UBN1: variants seen among roughly 807,000 people sequenced by gnomAD.
UBN1 encodes the protein ubinuclein-1.
A neutral mutation model predicts 108.5 loss-of-function variants in UBN1; 17 were observed. The observed-to-expected ratio is 0.16, with a 90% confidence interval of 0.11 to 0.24. The LOEUF is 0.24. Ranked by LOEUF, UBN1 falls within the 10% of genes least tolerant of loss-of-function variation. The probability of loss-of-function intolerance (pLI) is 1.00; values close to 1 mark genes in which losing one functional copy is unlikely to be tolerated. For missense variants in UBN1, 1,595 were observed against 1,394.4 expected (o/e 1.14, Z -2.29); for synonymous variants, 726 against 564.2 (o/e 1.29, Z -4.07).
Position 4,847,494 on chromosome 16 carries a change from T to G in UBN1, c.-756T>G. 2 of 549,432 alleles carry G rather than the reference T, an allele frequency of 3.6e-6. No individual in the cohort carries two copies. The highest frequency in any genetic ancestry group is 6.1e-6 in the Non-Finnish European group (2 of 327,816). 34.0% of individuals were successfully genotyped at this position (549,432 alleles called of 1,614,324 possible). ...GCAGAGACTCCCGGCTCCTTCCCCC[T>G]CCCTTCGGCTCGTGACAACGAAGCG... On this transcript the variant is annotated 5_prime_UTR_variant, in exon 1 of 18. Transcript: ENST00000262376.
intron 5 of UBN1, among the ~76,000 whole-genome samples, chr16:4,859,559 A>G (rs955085852): frequency 3.3e-5 from 5 of 152,220 alleles, no homozygotes; most frequent in Non-Finnish European, 7.4e-5. Context: ...CAGTGTGTTT[A>G]AAAACCTGTC....
At chr16:4,872,485 C>T (rs1302734120) in intron 12 of UBN1, 4 of 117,182 alleles carry the variant, frequency 3.4e-5, no homozygotes, top group Admixed American at 9.6e-5. Context: ...GGTGGGGGGG[C>T]GGGGACAAAG....
At chr16:4,856,894 A>T (rs1380471566) in intron 2 of UBN1, among the ~76,000 whole-genome samples, 1 of 152,232 alleles carries the variant, frequency 6.6e-6, no homozygotes, top group African/African-American at 2.4e-5. Flanking sequence ...ACCACAAATC[A>T]TTTAACTGAT....
At chr16:4,852,546 A>T (rs1184108230) in intron 1 of UBN1, 2 of 157,610 alleles carry the variant, frequency 1.3e-5, no homozygotes, top group East Asian at 1.9e-4. Context: ...AGAAAAAATA[A>T]GTGTTAGACA....
intron 15 of UBN1, among the ~76,000 whole-genome samples, chr16:4,875,953 T>C (rs1449543277): frequency 7.4e-6 from 1 of 134,644 alleles, no homozygotes; most frequent in African/African-American, 2.6e-5. Context: ...CATTTTCTTT[T>C]CTTTTTTTCT....
chr16:4,856,480 G>A (rs758671644), intron 2 of UBN1, among the ~76,000 whole-genome samples: 18 of 152,216 alleles, frequency 1.2e-4, no homozygotes, highest in Non-Finnish European at 2.4e-4. Flanking sequence ...CACTGTACCA[G>A]CCTCAAAACA....
At chr16:4,879,230 C>T (rs1312570300) in intron 17 of UBN1, among the ~76,000 whole-genome samples, 1 of 152,172 alleles carries the variant, frequency 6.6e-6, no homozygotes, top group East Asian at 1.9e-4. Flanking sequence ...TGACACTACA[C>T]ATTTTAGATG....
chr16:4,858,870 C>T (rs2086924975), intron 4 of UBN1, 155 bp from the exon 5 acceptor site: 1 of 1,092,954 alleles, frequency 9.1e-7, no homozygotes. Context: ...GTCCAAAACA[C>T]CTTGTAGCTC....
chr16:4,875,574 G>T, intron 15 of UBN1, 140 bp downstream of exon 15: 1 of 1,276,544 alleles, frequency 7.8e-7, no homozygotes, highest in Non-Finnish European at 1.1e-6. Context: ...TAGGAAGGGA[G>T]ACTGGGCTCC....
rs771213135 is a variant in UBN1, at chr16:4,870,990, C to G, written c.1559+18C>G. ...GAGATCAGGTGTGCCCACACTGGGA[C>G]TTGGCCTCTTTGGAGGGTTGGTGGG... On this transcript the variant is annotated intron_variant, in intron 11 of 17. Transcript: ENST00000262376. The G allele has an allele frequency of 1.5e-5, 25 of 1,613,554 alleles. No homozygotes were observed. Among genetic ancestry groups the G allele is most frequent in the Non-Finnish European group, 2.1e-5 (25 of 1,179,742 alleles).
At chr16:4,865,162 A>G (rs2142203082) in intron 7 of UBN1, among the ~76,000 whole-genome samples, 1 of 152,138 alleles carries the variant, frequency 6.6e-6, no homozygotes, top group Admixed American at 6.5e-5. Flanking sequence ...TATTTTTGGA[A>G]GACTATCAGA....
intron 7 of UBN1, among the ~76,000 whole-genome samples, chr16:4,867,617 C>G (rs1202557336): frequency 1.3e-5 from 2 of 152,050 alleles, no homozygotes; most frequent in Admixed American, 1.3e-4. Context: ...TATTTTGAAG[C>G]CCTGAGGGGG....
At position 4,875,071 on chromosome 16, in the gene UBN1, A is replaced by G; in HGVS notation, c.2661A>G (p.Ala887=). ...ASSSSALSHP[A]KPHSVSSAGS... is the part of the protein sequence containing the mutation. ...CCTCTTCTGCCCTGAGCCATCCAGC[A>G]AAGCCACATTCAGTCAGCTCTGCAG... is the stretch of plus-strand genomic sequence containing the variant. Residue 887 remains alanine (A), a synonymous_variant, in exon 15 of 18, where the codon GCA becomes GCG. Transcript: ENST00000262376. 1 of 1,614,110 alleles carries G rather than the reference A, an allele frequency of 6.2e-7. No homozygotes were observed. The highest frequency in any genetic ancestry group is 2.2e-5 in the East Asian group (1 of 44,894).
intron 7 of UBN1, among the ~76,000 whole-genome samples, chr16:4,865,774 A>G (rs1257365352): frequency 2.6e-5 from 4 of 152,092 alleles, no homozygotes; most frequent in Admixed American, 2.6e-4. Context: ...CAGCCTGGCC[A>G]ACATGGTGAA....
chr16:4,852,913 T>C lies in UBN1; in HGVS notation c.-5T>C, dbSNP rs768312725. ...AGTGACACCCGCTAAGACTTGTTGG[T>C]AGCCATGTCGGAGCCCCACAGGGTC... is the stretch of plus-strand genomic sequence containing the variant. On this transcript the variant is annotated 5_prime_UTR_variant, in exon 2 of 18. Coordinates refer to ENST00000262376, the MANE Select transcript of UBN1 (RefSeq NM_001079514.3). The C allele has an allele frequency of 6.2e-7, 1 of 1,612,208 alleles. No homozygotes were observed. The highest frequency in any genetic ancestry group is 8.5e-7 in the Non-Finnish European group (1 of 1,178,550).
At chr16:4,879,699 C>T (rs1339874436) in intron 17 of UBN1, among the ~76,000 whole-genome samples, 1 of 152,208 alleles carries the variant, frequency 6.6e-6, no homozygotes, top group African/African-American at 2.4e-5. Flanking sequence ...TTTGTCTTTA[C>T]AGGACCTGAG....
At position 4,870,875 on chromosome 16, in the gene UBN1, A is replaced by G; in HGVS notation, c.1462A>G (p.Arg488Gly). 6.2e-7 allele frequency: 1 copy of G among 1,614,074 alleles called. No homozygotes were observed. ...GGAAGAGGAGAAAGACAAGGAGCAGAGGGACCGGATTTGTTCGGATGAGGA... is the reference window on the plus strand; with the variant it reads ...GGAAGAGGAGAAAGACAAGGAGCAGGGGGACCGGATTTGTTCGGATGAGGA... ...MLEEEKDKEQRDRICSDEEED... is the reference protein window; with the variant it reads ...MLEEEKDKEQGDRICSDEEED... Residue 488 changes from arginine (R) to glycine (G), a missense_variant, in exon 11 of 18, where the codon AGG (arginine) becomes GGG (glycine). Physicochemically the swap from Arg to Gly is moderately radical, Grantham distance 125. Around this residue, in one of 3 missense-constraint regions of UBN1, gnomAD observed 1,398 missense variants for 1,194.7 expected, o/e 1.17. Coordinates refer to ENST00000262376, the MANE Select transcript of UBN1 (RefSeq NM_001079514.3).
chr16:4,853,665 C>T (rs1422842209), intron 2 of UBN1, among the ~76,000 whole-genome samples: 1 of 151,256 alleles, frequency 6.6e-6, no homozygotes, highest in Non-Finnish European at 1.5e-5. Flanking sequence ...TCAAGTGATT[C>T]TCCTGCCTCA....
intron 9 of UBN1, 46 bp downstream of exon 9, chr16:4,870,387 G>A: frequency 1.9e-6 from 3 of 1,611,926 alleles, no homozygotes; most frequent in Non-Finnish European, 2.5e-6. Context: ...GGTCCTGGCG[G>A]AGGGGTGACT....
Sources: allele counts gnomAD v4.1 joint callset (sites outside exome capture counted in the v4.1 genomes callset), GRCh38; gene constraint gnomAD v4.1.1; regional missense constraint gnomAD v4.1.1; transcripts MANE v1.5; gene names NCBI Gene and HGNC (gene_info 2026-07-23, HGNC 2026-07-21).